TEX14: variants seen among roughly 807,000 people sequenced by gnomAD.
TEX14 encodes the protein inactive serine/threonine-protein kinase TEX14.
A neutral mutation model predicts 178.6 loss-of-function variants in TEX14; 168 were observed. That is an observed-to-expected ratio of 0.94 (90% CI 0.83 to 1.07). The LOEUF is 1.07. Among genes scored for constraint, TEX14 ranks in the 50% least tolerant of loss-of-function variants. The probability of loss-of-function intolerance (pLI) is 0.00; values close to 1 mark genes in which losing one functional copy is unlikely to be tolerated. For missense variants in TEX14, 1,730 were observed against 1,753.6 expected (o/e 0.99, Z 0.24); for synonymous variants, 626 against 634.1 (o/e 0.99, Z 0.19).
At chr17:58,568,704 G>T (rs140430177) in intron 26 of TEX14, among the ~76,000 whole-genome samples, 1 of 152,230 alleles carries the variant, frequency 6.6e-6, no homozygotes, top group East Asian at 1.9e-4. Context: ...GAAAATTCTG[G>T]TCTCTGTAGG....
At chr17:58,669,733 CAAAAAAAAAAAA>C (rs71367615) in intron 1 of TEX14, among the ~76,000 whole-genome samples, 6 of 56,300 alleles carry the variant, frequency 1.1e-4, no homozygotes, top group African/African-American at 3.8e-4. Flanking sequence ...GACTCCGTCT[CAAAAAAAAAAAA>C]AAAAAAAAAA....
At chr17:58,576,460 A>G (rs1490077529) in intron 21 of TEX14, among the ~76,000 whole-genome samples, 3 of 152,316 alleles carry the variant, frequency 2.0e-5, no homozygotes, top group Admixed American at 2.0e-4. Flanking sequence ...GTGAGCTGAG[A>G]TCACGCCACT....
rs571592045 is a variant in TEX14 at position 58,630,678 on chromosome 17, T to A, written c.137-124A>T. 4.5e-4 allele frequency: 284 copies of A among 633,560 alleles called. 4 individuals carry two copies. Among genetic ancestry groups the A allele is most frequent in the East Asian group, 2.5e-3 (90 of 35,584 alleles). The allele number at this position is 633,560 out of a possible 1,614,324, so 39.2% of individuals were successfully genotyped here. On this transcript the variant is annotated intron_variant, in intron 2 of 31. Coordinates refer to ENST00000349033, the MANE Select transcript of TEX14 (RefSeq NM_031272.5). ...TCATATATTGCTGTGAGCTTTTTTT[T>A]AAAAAAAGTACAAAGAAGGTCTTCA...
chr17:58,676,075 T>TA (rs1463550582), intron 1 of TEX14, among the ~76,000 whole-genome samples: 1 of 151,906 alleles, frequency 6.6e-6, no homozygotes, highest in Non-Finnish European at 1.5e-5. Context: ...CCCTCTCTAC[T>TA]AAAACATAAA....
chr17:58,686,933 GAGGGATCTCAGCTCAC>G (rs2047609465), intron 1 of TEX14, among the ~76,000 whole-genome samples: 1 of 147,614 alleles, frequency 6.8e-6, no homozygotes. Flanking sequence ...GAGCGCAGGG[GAGGGATCTCAGCTCAC>G]AGCAACCTCC....
intron 15 of TEX14, among the ~76,000 whole-genome samples, chr17:58,588,259 C>T (rs1210654427): frequency 6.6e-6 from 1 of 152,140 alleles, no homozygotes; most frequent in Non-Finnish European, 1.5e-5. Flanking sequence ...CATCAGAATT[C>T]TCTGGTAACA....
At chr17:58,636,661 C>T (rs1351845924) in intron 2 of TEX14, among the ~76,000 whole-genome samples, 2 of 152,194 alleles carry the variant, frequency 1.3e-5, no homozygotes, top group African/African-American at 4.8e-5. Context: ...GGGGTGGTGG[C>T]TCATGCCTGT....
Position 58,580,146 on chromosome 17 carries a change from A to G in TEX14, c.3172-415T>C, listed in dbSNP as rs185615108. ...GAAGAGGCAGTGACTGGATGGGATCACAAGGGGTCTTTTGGGGACTAGTAA... is the reference window on the plus strand; with the variant it reads ...GAAGAGGCAGTGACTGGATGGGATCGCAAGGGGTCTTTTGGGGACTAGTAA... On this transcript the variant is annotated intron_variant, in intron 19 of 31. Coordinates refer to ENST00000349033, the MANE Select transcript of TEX14 (RefSeq NM_031272.5). Among the ~76,000 whole-genome samples the G allele has an allele frequency of 1.7e-3, 265 of 152,348 alleles. 1 individual carries two copies. Among genetic ancestry groups the G allele is most frequent in the African/African-American group, 6.1e-3 (255 of 41,588 alleles).
At chr17:58,656,171 C>T (rs1252870080) in intron 1 of TEX14, among the ~76,000 whole-genome samples, 1 of 152,184 alleles carries the variant, frequency 6.6e-6, no homozygotes, top group East Asian at 1.9e-4. Context: ...CAGCCGGGCA[C>T]AGTGGCTTAC....
chr17:58,598,995 A>G lies in TEX14; in HGVS notation c.2350T>C (p.Leu784=). ...GATGGAGGGCCCACGGCCAGAGGTA[A>G]CTTGTAGGCATTTGTAAACTCTCTT... ...TSREFTNAYK[L]PLAVGPPSLN... Residue 784 remains leucine, a synonymous_variant, in exon 14 of 32, where the codon TTA becomes CTA. Coordinates refer to ENST00000349033, the MANE Select transcript of TEX14 (RefSeq NM_031272.5). 1.2e-6 allele frequency: 2 copies of G among 1,614,050 alleles called. No homozygotes were observed. Among genetic ancestry groups the G allele is most frequent in the Middle Eastern group, 1.6e-4 (1 of 6,062 alleles).
intron 2 of TEX14, among the ~76,000 whole-genome samples, chr17:58,643,384 C>T (rs145474331): frequency 3.3e-5 from 5 of 152,116 alleles, no homozygotes; most frequent in Non-Finnish European, 7.3e-5. Flanking sequence ...ATCTCAAATA[C>T]AGCCTACCCA....
chr17:58,563,658 T>TATATATATAGAGAG (rs1351647352), intron 28 of TEX14, among the ~76,000 whole-genome samples: 1 of 17,500 alleles, frequency 5.7e-5, no homozygotes, highest in Non-Finnish European at 8.7e-5. Flanking sequence ...TATATATATA[T>TATATATATAGAGAG]AGAGAGAGAG....
chr17:58,599,183 G>A lies in TEX14; in HGVS notation c.2162C>T (p.Thr721Met), dbSNP rs146894476. The A allele has an allele frequency of 1.3e-4, 207 of 1,613,874 alleles. No homozygotes were observed. The highest frequency in any genetic ancestry group is 1.6e-4 in the African/African-American group (12 of 74,882). ...CTTACTGATGAGATACTCCTCAGTC[G>A]TGGACATGTTGTTCAAATTGCTCTT... is the stretch of plus-strand genomic sequence containing the variant. ...EAKSNLNNMS[T>M]TEEYLISKCV... is the part of the protein sequence containing the mutation. The change falls in exon 14 of 32, where the codon ACG becomes ATG. Residue 721 changes from threonine to methionine, a missense_variant. By Grantham distance (81) the Thr-to-Met change is moderately conservative. This residue lies in a region of TEX14 where 941 missense variants were observed against 1,072.4 expected (regional missense o/e 0.88). Transcript: ENST00000349033.
rs1481614644 is a variant in TEX14, at chr17:58,645,562, G to A, written c.136+6304C>T. On this transcript the variant is annotated intron_variant, in intron 2 of 31. Coordinates refer to ENST00000349033, the MANE Select transcript of TEX14 (RefSeq NM_031272.5). ...TTTAGTAGAGACAGGGTTTCACCATGTTACCCGGGATGGTCTTGATCTCCT... is the reference window on the plus strand; with the variant it reads ...TTTAGTAGAGACAGGGTTTCACCATATTACCCGGGATGGTCTTGATCTCCT... 4.6e-5 allele frequency among the ~76,000 whole-genome samples: 7 copies of A among 151,866 alleles called. No individual in the cohort carries two copies. The South Asian group carries it at 1.2e-3, about 27-fold the overall frequency.
At chr17:58,654,865 T>C (rs1190069457) in intron 1 of TEX14, among the ~76,000 whole-genome samples, 1 of 151,874 alleles carries the variant, frequency 6.6e-6, no homozygotes, top group Non-Finnish European at 1.5e-5. Context: ...AACAAGAAGC[T>C]GGACCTCATT....
chr17:58,659,533 G>A (rs2047063245), intron 1 of TEX14, among the ~76,000 whole-genome samples: 2 of 152,176 alleles, frequency 1.3e-5, no homozygotes, highest in African/African-American at 4.8e-5. Context: ...GCCTCTTATA[G>A]TAACGTCACC....
chr17:58,603,878 G>A (rs1232339599), intron 11 of TEX14, among the ~76,000 whole-genome samples: 1 of 127,366 alleles, frequency 7.9e-6, no homozygotes, highest in Non-Finnish European at 1.6e-5. Flanking sequence ...AGCCCTTAAT[G>A]TGATTTTACT....
At chr17:58,675,495 T>C (rs995973267) in intron 1 of TEX14, 15 of 152,534 alleles carry the variant, frequency 9.8e-5, no homozygotes, top group African/African-American at 3.6e-4. Context: ...TGTTTTATAA[T>C]GAAGACAATA....
In TEX14 at chr17:58,632,043, G is replaced by A. The variant is rs552847687; in HGVS notation, c.137-1489C>T. Among the ~76,000 whole-genome samples, 43 of 152,276 alleles carry A rather than the reference G, an allele frequency of 2.8e-4. 1 individual carries two copies. In the Middle Eastern group the frequency reaches 0.017, roughly 60 times the overall value. ...TAGGCAATCACTGTAATTAACATAT[G>A]GTAGCAAAGCATGCAAATCACTCAG... On this transcript the variant is annotated intron_variant, in intron 2 of 31. Transcript: ENST00000349033.
Sources: allele counts gnomAD v4.1 joint callset (sites outside exome capture counted in the v4.1 genomes callset), GRCh38; gene constraint gnomAD v4.1.1; regional missense constraint gnomAD v4.1.1; transcripts MANE v1.5; gene names NCBI Gene and HGNC (gene_info 2026-07-23, HGNC 2026-07-21).